The following VPS13B variants were observed in gnomAD, a reference collection of about 807,000 sequenced individuals.
VPS13B encodes the protein vacuolar protein sorting 13 homolog B.
In VPS13B, 285 loss-of-function variants were observed where a neutral mutation model predicts 426.4. The ratio of observed to expected loss-of-function variants is 0.67; its 90% CI spans 0.61 to 0.74. VPS13B has a LOEUF of 0.74. Among genes scored for constraint, VPS13B ranks in the 30% least tolerant of loss-of-function variants. The pLI is 0.00. For missense variants in VPS13B, 4,537 were observed against 4,782.6 expected (o/e 0.95, Z 1.51); for synonymous variants, 1,676 against 1,676.4 (o/e 1.00, Z 0.01).
intron 17 of VPS13B, among the ~76,000 whole-genome samples, chr8:99,264,054 T>A (rs1438092950): frequency 2.0e-5 from 3 of 152,190 alleles, no homozygotes; most frequent in Admixed American, 2.0e-4. Flanking sequence ...TTGGAGTTAA[T>A]AACTGTCTTG....
chr8:99,313,409 C>T (rs983844945), intron 19 of VPS13B, among the ~76,000 whole-genome samples: 6 of 152,158 alleles, frequency 3.9e-5, no homozygotes, highest in African/African-American at 1.4e-4. Context: ...AGCTGCAGGT[C>T]TATTGGAGTT....
At chr8:99,307,181 TA>T (rs1820685756) in intron 19 of VPS13B, among the ~76,000 whole-genome samples, 1 of 152,134 alleles carries the variant, frequency 6.6e-6, no homozygotes, top group East Asian at 1.9e-4. Context: ...TAGGGTTCTA[TA>T]TATGTATTCT....
chr8:99,789,660 A>C (rs1277918488), intron 43 of VPS13B, among the ~76,000 whole-genome samples: 1 of 152,190 alleles, frequency 6.6e-6, no homozygotes, highest in Non-Finnish European at 1.5e-5. Flanking sequence ...TTAAAGCACC[A>C]AAATGTTCAC....
At chr8:99,171,978 T>C (rs1209672074) in intron 16 of VPS13B, among the ~76,000 whole-genome samples, 1 of 152,164 alleles carries the variant, frequency 6.6e-6, no homozygotes, top group African/African-American at 2.4e-5. Context: ...CCTGTTAGAA[T>C]TGGACATTAG....
intron 16 of VPS13B, among the ~76,000 whole-genome samples, chr8:99,189,882 T>C (rs1770171242): frequency 6.6e-6 from 1 of 152,208 alleles, no homozygotes; most frequent in Admixed American, 6.5e-5. Context: ...GCTTTTATGT[T>C]CTTGTAGTAT....
intron 5 of VPS13B, among the ~76,000 whole-genome samples, chr8:99,107,620 T>A (rs1847116708): frequency 6.6e-6 from 1 of 152,186 alleles, no homozygotes; most frequent in Non-Finnish European, 1.5e-5. Flanking sequence ...TGGTTGACAT[T>A]CAAGTTGTTC....
intron 19 of VPS13B, among the ~76,000 whole-genome samples, chr8:99,297,522 T>C (rs896418359): frequency 2.8e-5 from 3 of 106,836 alleles, no homozygotes; most frequent in Non-Finnish European, 5.8e-5. Flanking sequence ...TTGAGTAATA[T>C]GTAAAATCAT....
intron 21 of VPS13B, among the ~76,000 whole-genome samples, chr8:99,394,584 T>C (rs768326440): frequency 8.5e-5 from 13 of 152,180 alleles, no homozygotes; most frequent in Admixed American, 2.0e-4. Context: ...AGAGAATCTG[T>C]ATATCCTTCA....
At chr8:99,585,381 T>TA (rs1204716892) in intron 33 of VPS13B, among the ~76,000 whole-genome samples, 1 of 152,148 alleles carries the variant, frequency 6.6e-6, no homozygotes, top group Non-Finnish European at 1.5e-5. Flanking sequence ...CAATAAAACA[T>TA]AAAAAATGAA....
At chr8:99,314,272 T>G (rs2133109258) in intron 19 of VPS13B, among the ~76,000 whole-genome samples, 1 of 152,200 alleles carries the variant, frequency 6.6e-6, no homozygotes, top group African/African-American at 2.4e-5. Context: ...TGCTGGGAGC[T>G]GTAGACTGGA....
At chr8:99,282,927 T>C (rs1819245603) in intron 19 of VPS13B, among the ~76,000 whole-genome samples, 1 of 152,170 alleles carries the variant, frequency 6.6e-6, no homozygotes, top group Non-Finnish European at 1.5e-5. Context: ...TCATTGTTAT[T>C]GGAAAGGAAA....
chr8:99,357,682 G>C (rs957792298), intron 19 of VPS13B, among the ~76,000 whole-genome samples: 1 of 152,048 alleles, frequency 6.6e-6, no homozygotes, highest in Non-Finnish European at 1.5e-5. Flanking sequence ...CCCCATTTTA[G>C]TACTTAATAG....
chr8:99,455,650 G>A (rs1404665178), intron 23 of VPS13B, among the ~76,000 whole-genome samples: 1 of 152,018 alleles, frequency 6.6e-6, no homozygotes, highest in Non-Finnish European at 1.5e-5. Flanking sequence ...TACAGCCCTA[G>A]GCAACCCTGA....
chr8:99,324,122 GA>G (rs1185422659), intron 19 of VPS13B, among the ~76,000 whole-genome samples: 1 of 152,204 alleles, frequency 6.6e-6, no homozygotes, highest in Non-Finnish European at 1.5e-5. Flanking sequence ...AAAGCAGTAG[GA>G]GATCGTTAAA....
In VPS13B at chr8:99,274,271, A is replaced by C. The variant is rs865998297; in HGVS notation, c.2589A>C (p.Thr863=). Residue 863 remains threonine (T), a synonymous_variant, in exon 18 of 62, where the codon ACA becomes ACC. Coordinates refer to ENST00000357162, the MANE Select transcript of VPS13B (RefSeq NM_152564.5). ...ATGTTGAATTGAAGTACTGCAGCAC[A>C]TCATTGGTCAAATGTGCCTCTGGGA... ...IQNVELKYCS[T]SLVKCASGTM... 1 of 1,614,062 alleles carries C rather than the reference A, an allele frequency of 6.2e-7. No individual in the cohort carries two copies. The highest frequency in any genetic ancestry group is 1.3e-5 in the African/African-American group (1 of 74,932).
At chr8:99,153,475 CT>C (rs1017155752) in intron 14 of VPS13B, among the ~76,000 whole-genome samples, 1 of 151,906 alleles carries the variant, frequency 6.6e-6, no homozygotes, top group Non-Finnish European at 1.5e-5. Flanking sequence ...TGTTATACTT[CT>C]TTTTAGTGTT....
intron 17 of VPS13B, 46 bp from the exon 18 acceptor site, chr8:99,274,152 T>A (rs767478396): frequency 1.9e-6 from 3 of 1,612,768 alleles, no homozygotes; most frequent in Non-Finnish European, 2.5e-6. Context: ...ATATAAAAAT[T>A]ATTTAAATTC....
chr8:99,818,911 C>G lies in VPS13B; in HGVS notation c.8621+23C>G, dbSNP rs759935443. On this transcript the variant is annotated intron_variant, in intron 47 of 61. Coordinates refer to ENST00000357162, the MANE Select transcript of VPS13B (RefSeq NM_152564.5). The stretch of plus-strand genomic sequence containing the variant: ...AAGGTACTAGAAAAATCCTTCCATA[C>G]ATTTTACATTTTCCTAGGAGAAATT... 6.7e-6 allele frequency: 9 copies of G among 1,346,534 alleles called. No individual in the cohort carries two copies. The Admixed American group carries it at 1.9e-4, about 28-fold the overall frequency. The allele number at this position is 1,346,534 out of a possible 1,614,324, so 83.4% of individuals were successfully genotyped here.
chr8:99,170,946 C>T (rs1812296836), intron 16 of VPS13B, among the ~76,000 whole-genome samples: 1 of 151,470 alleles, frequency 6.6e-6, no homozygotes. Context: ...AATGACATAA[C>T]CTTTAGAAAA....
Sources: allele counts gnomAD v4.1 joint callset (sites outside exome capture counted in the v4.1 genomes callset), GRCh38; gene constraint gnomAD v4.1.1; transcripts MANE v1.5; gene names NCBI Gene and HGNC (gene_info 2026-07-23, HGNC 2026-07-21).